FSTL5: variants seen among roughly 807,000 people sequenced by gnomAD.
The protein encoded by FSTL5 is follistatin-related protein 5.
FSTL5 carries 62 observed loss-of-function variants against 89.1 expected under a neutral mutation model. The observed-to-expected ratio is 0.70, with a 90% CI of 0.57 to 0.86. The LOEUF (loss-of-function observed/expected upper bound fraction) is 0.86. Ranked by LOEUF, FSTL5 falls within the 40% of genes least tolerant of loss-of-function variation. The pLI, the probability that FSTL5 is intolerant of heterozygous loss-of-function variation, is 0.00. For missense variants in FSTL5, 1,057 were observed against 1,001.6 expected (o/e 1.06, Z -0.75); for synonymous variants, 383 against 346.2 (o/e 1.11, Z -1.18).
At chr4:161,741,751 G>A (rs757750793) in intron 6 of FSTL5, among the ~76,000 whole-genome samples, 1 of 148,482 alleles carries the variant, frequency 6.7e-6, no homozygotes, top group Non-Finnish European at 1.5e-5. Flanking sequence ...GCAGTGGCAC[G>A]GTCTTGGCTC....
intron 2 of FSTL5, among the ~76,000 whole-genome samples, chr4:162,087,476 T>C (rs1730366231): frequency 1.3e-5 from 2 of 152,180 alleles, no homozygotes; most frequent in East Asian, 3.9e-4. Flanking sequence ...TACTTAAAAA[T>C]GATTTTTAAA....
chr4:161,727,827 T>C (rs954996026), intron 6 of FSTL5, among the ~76,000 whole-genome samples: 1 of 152,194 alleles, frequency 6.6e-6, no homozygotes, highest in Non-Finnish European at 1.5e-5. Context: ...AGCTGACTTC[T>C]TAGTTTTGCA....
rs563874851 is a variant in FSTL5 at position 161,591,906 on chromosome 4, G to C, written c.895-4331C>G. Among the ~76,000 whole-genome samples the C allele has an allele frequency of 1.7e-4, 26 of 152,298 alleles. No homozygotes were observed. The South Asian group carries it at 4.6e-3, about 27-fold the overall frequency. On this transcript the variant is annotated intron_variant, in intron 7 of 15. Coordinates refer to ENST00000306100, the MANE Select transcript of FSTL5 (RefSeq NM_020116.5). ...ACTAGTTCCATTTGGCCTCTAATTAGCGGAGCTAGGATTGGAAACCAGGTA... is the reference window on the plus strand; with the variant it reads ...ACTAGTTCCATTTGGCCTCTAATTACCGGAGCTAGGATTGGAAACCAGGTA...
intron 15 of FSTL5, among the ~76,000 whole-genome samples, chr4:161,408,042 G>A (rs945723474): frequency 1.3e-5 from 2 of 152,138 alleles, no homozygotes; most frequent in Non-Finnish European, 2.9e-5. Context: ...AAACTGAGAG[G>A]ACTGAGTCAC....
intron 4 of FSTL5, among the ~76,000 whole-genome samples, chr4:161,846,800 T>G (rs1731383392): frequency 6.6e-6 from 1 of 152,194 alleles, no homozygotes; most frequent in Admixed American, 6.5e-5. Flanking sequence ...CCATTACCAC[T>G]TCTCTATGCA....
chr4:161,861,350 A>G (rs368546930), intron 4 of FSTL5, among the ~76,000 whole-genome samples: 2 of 152,034 alleles, frequency 1.3e-5, no homozygotes, highest in South Asian at 4.1e-4. Flanking sequence ...TGAACCCGGG[A>G]GGCAGAGGTG....
intron 4 of FSTL5, among the ~76,000 whole-genome samples, chr4:161,808,132 A>T (rs1434469265): frequency 6.6e-6 from 1 of 152,236 alleles, no homozygotes; most frequent in Non-Finnish European, 1.5e-5. Flanking sequence ...AAACCAAGTG[A>T]TATAGTTTTT....
At chr4:161,736,765 T>C (rs1040705132) in intron 6 of FSTL5, among the ~76,000 whole-genome samples, 1 of 152,086 alleles carries the variant, frequency 6.6e-6, no homozygotes, top group African/African-American at 2.4e-5. Flanking sequence ...CAGATTCCTC[T>C]GTATGGGGTT....
At chr4:161,901,646 G>T (rs896112333) in intron 4 of FSTL5, among the ~76,000 whole-genome samples, 1 of 152,056 alleles carries the variant, frequency 6.6e-6, no homozygotes, top group Non-Finnish European at 1.5e-5. Flanking sequence ...GGTAAGACTG[G>T]GTTTAGGCCG....
At chr4:161,678,436 T>G (rs1329518460) in intron 6 of FSTL5, among the ~76,000 whole-genome samples, 2 of 151,854 alleles carry the variant, frequency 1.3e-5, no homozygotes, top group Non-Finnish European at 2.9e-5. Context: ...CTTTCAAGTT[T>G]TGTTTTCAGC....
chr4:161,450,154 CT>C (rs1419573687), intron 15 of FSTL5, among the ~76,000 whole-genome samples: 1 of 152,124 alleles, frequency 6.6e-6, no homozygotes, highest in East Asian at 1.9e-4. Flanking sequence ...TTACTCATTG[CT>C]TAATGTCTGC....
chr4:161,421,443 G>T (rs1378028187), intron 15 of FSTL5, among the ~76,000 whole-genome samples: 2 of 152,036 alleles, frequency 1.3e-5, no homozygotes. Flanking sequence ...TACATTTTCA[G>T]TTCTACACAA....
At chr4:161,995,563 G>C (rs543858134) in intron 3 of FSTL5, among the ~76,000 whole-genome samples, 1 of 151,884 alleles carries the variant, frequency 6.6e-6, no homozygotes, top group African/African-American at 2.4e-5. Flanking sequence ...GACGGACCAG[G>C]GTTATTCATT....
intron 15 of FSTL5, among the ~76,000 whole-genome samples, chr4:161,403,637 T>C (rs560821705): frequency 6.6e-6 from 1 of 152,248 alleles, no homozygotes; most frequent in African/African-American, 2.4e-5. Flanking sequence ...GAGGGATATA[T>C]GTATAACCTA....
At chr4:161,910,150 G>A (rs961025447) in intron 4 of FSTL5, among the ~76,000 whole-genome samples, 16 of 151,872 alleles carry the variant, frequency 1.1e-4, no homozygotes, top group South Asian at 4.1e-4. Flanking sequence ...TCCTCCTTAC[G>A]ACTTTTTTCC....
intron 7 of FSTL5, among the ~76,000 whole-genome samples, chr4:161,643,748 T>C (rs1005215061): frequency 7.2e-5 from 11 of 152,164 alleles, no homozygotes; most frequent in Non-Finnish European, 2.9e-5. Context: ...AATCTAGAAA[T>C]TGTTGAACTG....
chr4:161,424,099 G>A (rs1385157509), intron 15 of FSTL5, among the ~76,000 whole-genome samples: 2 of 134,278 alleles, frequency 1.5e-5, no homozygotes, highest in Non-Finnish European at 3.0e-5. Context: ...GGATGGTCTC[G>A]ATCTCCTGGC....
chr4:161,669,111 C>CAAAAAAAAAAAA (rs33950474), intron 6 of FSTL5, among the ~76,000 whole-genome samples: 3 of 104,594 alleles, frequency 2.9e-5, no homozygotes, highest in Admixed American at 1.1e-4. Flanking sequence ...GACTCTGTCT[C>CAAAAAAAAAAAA]AAAAAAAAAA....
chr4:161,804,703 T>C lies in FSTL5; in HGVS notation c.410-28629A>G, dbSNP rs962157603. On this transcript the variant is annotated intron_variant, in intron 4 of 15. Transcript: ENST00000306100. ...AAAAATCAAATTCAACTTCTTGAGA[T>C]AAAAAGATTAATCATGTATTCAGTT... Among the ~76,000 whole-genome samples, 5 of 152,052 alleles carry C rather than the reference T, an allele frequency of 3.3e-5. No individual in the cohort carries two copies. The East Asian group carries it at 9.6e-4, about 29-fold the overall frequency.
Sources: allele counts gnomAD v4.1 joint callset (sites outside exome capture counted in the v4.1 genomes callset), GRCh38; gene constraint gnomAD v4.1.1; transcripts MANE v1.5; gene names NCBI Gene and HGNC (gene_info 2026-07-23, HGNC 2026-07-21).